The following XXYLT1 variants were observed in gnomAD, a reference collection of about 807,000 sequenced individuals.
The protein encoded by XXYLT1 is xyloside xylosyltransferase 1, also known as UDP-xylose:alpha-xyloside alpha-1,3-xylosyltransferase.
In XXYLT1, 20 loss-of-function variants were observed where a neutral mutation model predicts 28.9. That is an observed-to-expected ratio of 0.69 (90% confidence interval 0.49 to 1.00). The LOEUF is 1.00. Ranked by LOEUF, XXYLT1 falls within the 50% of genes least tolerant of loss-of-function variation. The pLI is 0.00. For missense variants in XXYLT1, 542 were observed against 560.1 expected (o/e 0.97, Z 0.33); for synonymous variants, 257 against 253.8 (o/e 1.01, Z -0.12).
chr3:195,167,424 C>G (rs1476554474), intron 2 of XXYLT1, among the ~76,000 whole-genome samples: 1 of 152,140 alleles, frequency 6.6e-6, no homozygotes, highest in Non-Finnish European at 1.5e-5. Flanking sequence ...AACCCCATCT[C>G]TACTAAAAAT....
chr3:195,074,560 C>T (rs2108639038), intron 3 of XXYLT1, among the ~76,000 whole-genome samples: 1 of 152,318 alleles, frequency 6.6e-6, no homozygotes, highest in African/African-American at 2.4e-5. Context: ...AGCAGCTGTC[C>T]AGCACTTCAT....
intron 2 of XXYLT1, among the ~76,000 whole-genome samples, chr3:195,189,588 C>T (rs1354442914): frequency 6.6e-6 from 1 of 152,058 alleles, no homozygotes; most frequent in Admixed American, 6.6e-5. Context: ...ACTAAAGGGA[C>T]TCAATGGAAG....
chr3:195,238,731 C>G (rs997041484), intron 1 of XXYLT1, among the ~76,000 whole-genome samples: 1 of 152,160 alleles, frequency 6.6e-6, no homozygotes, highest in African/African-American at 2.4e-5. Flanking sequence ...TCCTCCCAGT[C>G]CCCGAAATGC....
At chr3:195,131,519 C>T (rs2108630080) in intron 3 of XXYLT1, among the ~76,000 whole-genome samples, 1 of 152,362 alleles carries the variant, frequency 6.6e-6, no homozygotes, top group East Asian at 1.9e-4. Flanking sequence ...GAATCTGTTA[C>T]AGCAAGAAAG....
chr3:195,074,059 G>A (rs982832865), intron 3 of XXYLT1, among the ~76,000 whole-genome samples: 13 of 152,126 alleles, frequency 8.5e-5, no homozygotes, highest in East Asian at 5.8e-4. Flanking sequence ...CCAAACCACA[G>A]GCCCTTTTGC....
At chr3:195,266,849 C>T (rs1725865834) in intron 1 of XXYLT1, among the ~76,000 whole-genome samples, 1 of 152,172 alleles carries the variant, frequency 6.6e-6, no homozygotes, top group Non-Finnish European at 1.5e-5. Flanking sequence ...TCAAGTGTCC[C>T]CAGGTGATTC....
In XXYLT1 at chr3:195,129,417, C is replaced by G. The variant is rs767832823; in HGVS notation, c.785+27032G>C. 1.3e-5 allele frequency among the ~76,000 whole-genome samples: 2 copies of G among 152,156 alleles called. No homozygotes were observed. Among genetic ancestry groups the G allele is most frequent in the Non-Finnish European group, 2.9e-5 (2 of 68,022 alleles). On this transcript the variant is annotated intron_variant, in intron 3 of 3. Coordinates refer to ENST00000310380, the MANE Select transcript of XXYLT1 (RefSeq NM_152531.5). The surrounding 1 kb of genome is among the most constrained non-coding windows in gnomAD (Gnocchi z 4.4). ...CTATCGCTCCCCCAAAACTCCTGGA[C>G]CACCTGCCCCAGCCCCAAGCAACCA...
chr3:195,112,871 G>GCACACAT (rs1197521956), intron 3 of XXYLT1, among the ~76,000 whole-genome samples: 44 of 113,122 alleles, frequency 3.9e-4, no homozygotes, highest in African/African-American at 1.2e-3. Context: ...ACACATGCAT[G>GCACACAT]CACACATGTG....
At position 195,135,742 on chromosome 3, in the gene XXYLT1, G is replaced by A. The variant is rs528577691; in HGVS notation, c.785+20707C>T. ...ACTGTAGAAAAGAGGTTTTTACTGT[G>A]GGAAAGAGATTTTCTACAGTAAATC... On this transcript the variant is annotated intron_variant, in intron 3 of 3. Transcript: ENST00000310380. Among the ~76,000 whole-genome samples, 8 of 152,296 alleles carry A rather than the reference G, an allele frequency of 5.3e-5. No individual in the cohort carries two copies. In the South Asian group the frequency reaches 1.7e-3, roughly 32 times the overall value.
At chr3:195,184,701 C>A (rs1722101466) in intron 2 of XXYLT1, 2 of 985,356 alleles carry the variant, frequency 2.0e-6, no homozygotes, top group African/African-American at 3.5e-5. Flanking sequence ...CCACACACAG[C>A]CGGTAAAACT....
chr3:195,207,577 C>A, intron 2 of XXYLT1: 1 of 427,562 alleles, frequency 2.3e-6, no homozygotes, highest in Non-Finnish European at 4.7e-6. Flanking sequence ...AAAGGTGCCG[C>A]CTCCTTGGCA....
Position 195,156,592 on chromosome 3 carries a change from G to C in XXYLT1, c.653-11C>G, listed in dbSNP as rs1427570839. 1 of 1,613,850 alleles carries C rather than the reference G, an allele frequency of 6.2e-7. No individual in the cohort carries two copies. Among genetic ancestry groups the C allele is most frequent in the Admixed American group, 1.7e-5 (1 of 59,960 alleles). On this transcript the variant is annotated splice_polypyrimidine_tract_variant and intron_variant, in intron 2 of 3. Coordinates refer to ENST00000310380, the MANE Select transcript of XXYLT1 (RefSeq NM_152531.5). ...TGATCTGCAGGATCTCTGCGGGAAAGAGAAAAGGACAATGAGACACAGGTA... is the reference window on the plus strand; with the variant it reads ...TGATCTGCAGGATCTCTGCGGGAAACAGAAAAGGACAATGAGACACAGGTA...
intron 2 of XXYLT1, among the ~76,000 whole-genome samples, chr3:195,177,807 C>A (rs550591282): frequency 7.2e-5 from 11 of 152,050 alleles, no homozygotes; most frequent in Non-Finnish European, 1.5e-4. Context: ...GCTAGGCATG[C>A]GCCTGTAGTC....
intron 3 of XXYLT1, among the ~76,000 whole-genome samples, chr3:195,119,579 CG>C (rs1436588947): frequency 2.0e-5 from 3 of 152,178 alleles, no homozygotes; most frequent in African/African-American, 4.8e-5. Context: ...ACTCCTAGCC[CG>C]GGCCCCGCAC....
chr3:195,161,335 A>G lies in XXYLT1; in HGVS notation c.653-4754T>C, dbSNP rs369208255. ...TTGAGCCACGACACATTTCTGAGAA[A>G]AGCCTTCGGACATCTCTGAAGTCCC... On this transcript the variant is annotated intron_variant, in intron 2 of 3. Coordinates refer to ENST00000310380, the MANE Select transcript of XXYLT1 (RefSeq NM_152531.5). Among the ~76,000 whole-genome samples the G allele has an allele frequency of 3.5e-4, 54 of 152,306 alleles. 1 individual carries two copies. The South Asian group carries it at 0.011, about 30-fold the overall frequency.
At chr3:195,177,131 T>C (rs530244142) in intron 2 of XXYLT1, among the ~76,000 whole-genome samples, 35 of 152,368 alleles carry the variant, frequency 2.3e-4, no homozygotes, top group Middle Eastern at 6.8e-3. Context: ...CTGAACCTCC[T>C]GTGGGCTTCC....
chr3:195,159,553 T>G (rs1720765415), intron 2 of XXYLT1, among the ~76,000 whole-genome samples: 1 of 152,196 alleles, frequency 6.6e-6, no homozygotes, highest in South Asian at 2.1e-4. Context: ...TCGTGGAGTA[T>G]CTGCATATCA....
At chr3:195,147,216 T>C (rs1234270700) in intron 3 of XXYLT1, among the ~76,000 whole-genome samples, 1 of 152,212 alleles carries the variant, frequency 6.6e-6, no homozygotes, top group Non-Finnish European at 1.5e-5. Flanking sequence ...GCATGTCTTC[T>C]ACTTCGTAAT....
At chr3:195,073,000 G>C (rs147929473) in intron 3 of XXYLT1, among the ~76,000 whole-genome samples, 1 of 152,178 alleles carries the variant, frequency 6.6e-6, no homozygotes, top group East Asian at 1.9e-4. Flanking sequence ...ACAGCACAGC[G>C]TGGGTCACGA....
Sources: allele counts gnomAD v4.1 joint callset (sites outside exome capture counted in the v4.1 genomes callset), GRCh38; gene constraint gnomAD v4.1.1; non-coding constraint Gnocchi (gnomAD v3.1); transcripts MANE v1.5; gene names NCBI Gene and HGNC (gene_info 2026-07-23, HGNC 2026-07-21).